GTF2A1L: variants seen among roughly 807,000 people sequenced by gnomAD.
GTF2A1L encodes TFIIA-alpha and beta-like factor.
In GTF2A1L, 48 loss-of-function variants were observed where a neutral mutation model predicts 49.7. The observed-to-expected ratio is 0.97, with a 90% CI of 0.77 to 1.23. The LOEUF (loss-of-function observed/expected upper bound fraction) is 1.23, where lower values mean the gene tolerates loss of function less well. Among genes scored for constraint, GTF2A1L ranks in the 50% most tolerant of loss-of-function variants. The pLI, the probability that GTF2A1L is intolerant of heterozygous loss-of-function variation, is 0.00. For synonymous variants in GTF2A1L, 246 were observed against 193.5 expected (o/e 1.27, Z -2.25); for missense variants, 736 against 564.8 (o/e 1.30, Z -3.07).
chr2:48,647,145 T>C, intron 6 of GTF2A1L, 103 bp downstream of exon 6: 2 of 1,107,274 alleles, frequency 1.8e-6, no homozygotes, highest in Non-Finnish European at 2.4e-6. Flanking sequence ...GAATTATATA[T>C]ATTTTGTTTT....
intron 8 of GTF2A1L, among the ~76,000 whole-genome samples, chr2:48,675,692 G>A (rs942739890): frequency 3.9e-5 from 6 of 151,956 alleles, no homozygotes; most frequent in Non-Finnish European, 7.4e-5. Context: ...ACTATTTATA[G>A]TGGAATGTGA....
In GTF2A1L at chr2:48,628,004, A is replaced by C. The variant is rs189740412; in HGVS notation, c.247+6714A>C. On this transcript the variant is annotated intron_variant, in intron 3 of 8. Transcript: ENST00000403751. ...TGTTTTTCTGTTCCTGCATTAATTC[A>C]CTTAGGATACCAGCCTCCAGCAGCA... Among the ~76,000 whole-genome samples, 48 of 144,168 alleles carry C rather than the reference A, an allele frequency of 3.3e-4. 3 individuals are homozygous for C. Among genetic ancestry groups the C allele is most frequent in the Non-Finnish European group, 5.6e-4 (36 of 63,950 alleles). 94.6% of individuals were successfully genotyped at this position (144,168 alleles called of 152,430 possible).
chr2:48,636,384 TCTTAC>T (rs964796436), intron 3 of GTF2A1L, among the ~76,000 whole-genome samples: 2 of 152,268 alleles, frequency 1.3e-5, no homozygotes, highest in African/African-American at 4.8e-5. Flanking sequence ...CAAAGGACTT[TCTTAC>T]CTTAAGTGAA....
chr2:48,651,843 C>G (rs1004609733), intron 6 of GTF2A1L, among the ~76,000 whole-genome samples: 14 of 152,082 alleles, frequency 9.2e-5, no homozygotes, highest in Non-Finnish European at 1.6e-4. Flanking sequence ...GCAAAAGCCC[C>G]CTCATAACAA....
chr2:48,671,386 T>G (rs1679156400), intron 7 of GTF2A1L, among the ~76,000 whole-genome samples: 1 of 151,958 alleles, frequency 6.6e-6, no homozygotes, highest in Non-Finnish European at 1.5e-5. Flanking sequence ...GTATTTTCAG[T>G]AGAGATGGGA....
chr2:48,621,806 A>G (rs1167685568), intron 3 of GTF2A1L, among the ~76,000 whole-genome samples: 2 of 152,204 alleles, frequency 1.3e-5, no homozygotes, highest in Non-Finnish European at 2.9e-5. Flanking sequence ...ATTTATCTTT[A>G]TTCTTGGACT....
intron 6 of GTF2A1L, among the ~76,000 whole-genome samples, chr2:48,656,081 G>A (rs1246998087): frequency 6.6e-6 from 1 of 152,166 alleles, no homozygotes; most frequent in Admixed American, 6.5e-5. Context: ...TCATTCAAGT[G>A]TCTGTGGATA....
chr2:48,620,934 T>G lies in GTF2A1L; in HGVS notation c.105T>G (p.Val35=). The change falls in exon 2 of 9, where the codon GTT becomes GTG. Residue 35 remains valine, a synonymous_variant. Transcript: ENST00000403751. ...CTGAAGAAGGTATAGAGGAACAAGT[T>G]TTAAAAGACTTGAAGCAGGTTTGTA... The part of the protein sequence containing the change: ...LFAEEGIEEQ[V]LKDLKQLWET... The G allele has an allele frequency of 1.9e-6, 3 of 1,597,368 alleles. No individual in the cohort carries two copies. The highest frequency in any genetic ancestry group is 2.6e-6 in the Non-Finnish European group (3 of 1,175,166).
intron 6 of GTF2A1L, among the ~76,000 whole-genome samples, chr2:48,666,861 C>T (rs190524670): frequency 6.6e-6 from 1 of 151,900 alleles, no homozygotes; most frequent in East Asian, 1.9e-4. Flanking sequence ...ACTTTTTTCC[C>T]TAAATTATTT....
intron 6 of GTF2A1L, among the ~76,000 whole-genome samples, chr2:48,653,161 C>T (rs1207903768): frequency 6.9e-6 from 1 of 144,594 alleles, no homozygotes; most frequent in Non-Finnish European, 1.5e-5. Flanking sequence ...GCTGAGCTTG[C>T]AGTGACCCGA....
chr2:48,671,028 G>T (rs1679136857), intron 7 of GTF2A1L, among the ~76,000 whole-genome samples: 1 of 151,904 alleles, frequency 6.6e-6, no homozygotes, highest in Non-Finnish European at 1.5e-5. Context: ...CACCATGCTG[G>T]CCAAGCTGGT....
At position 48,658,407 on chromosome 2, in the gene GTF2A1L, G is replaced by A. The variant is rs144622855; in HGVS notation, c.979-11315G>A. 2.0e-5 allele frequency among the ~76,000 whole-genome samples: 3 copies of A among 152,254 alleles called. No homozygotes were observed. In the East Asian group the frequency reaches 5.8e-4, roughly 29 times the overall value. ...TGTTGACTTTGTCAAAGATCAGATG[G>A]CTTTAGATGCATGGCTTTATTTCTA... On this transcript the variant is annotated intron_variant, in intron 6 of 8. Transcript: ENST00000403751.
intron 4 of GTF2A1L, among the ~76,000 whole-genome samples, chr2:48,643,076 G>A (rs898245146): frequency 1.3e-5 from 2 of 152,076 alleles, no homozygotes; most frequent in East Asian, 1.9e-4. Context: ...AATGTTATAT[G>A]CTTGTTACAT....
intron 3 of GTF2A1L, among the ~76,000 whole-genome samples, chr2:48,641,536 G>C (rs959096866): frequency 1.3e-5 from 2 of 152,088 alleles, no homozygotes; most frequent in Non-Finnish European, 2.9e-5. Flanking sequence ...GCTAAAGTTT[G>C]TGTTTTTATT....
chr2:48,637,499 C>G (rs1369626980), intron 3 of GTF2A1L, among the ~76,000 whole-genome samples: 3 of 152,116 alleles, frequency 2.0e-5, no homozygotes, highest in Non-Finnish European at 2.9e-5. Context: ...ATTCATAGCA[C>G]TAAATGCCCA....
chr2:48,618,082 G>C (rs957643204), intron 1 of GTF2A1L, 187 bp downstream of exon 1: 3 of 598,218 alleles, frequency 5.0e-6, no homozygotes, highest in African/African-American at 3.8e-5. Flanking sequence ...CAGTAGTTCA[G>C]CAGGAAGTTG....
At chr2:48,675,248 G>C (rs937079554) in intron 8 of GTF2A1L, among the ~76,000 whole-genome samples, 2 of 152,130 alleles carry the variant, frequency 1.3e-5, no homozygotes, top group Non-Finnish European at 2.9e-5. Flanking sequence ...GGTAGTATCA[G>C]TTCCTCTGGG....
intron 2 of GTF2A1L, 76 bp downstream of exon 2, chr2:48,621,028 C>A (rs1675967091): frequency 6.6e-7 from 1 of 1,520,980 alleles, no homozygotes; most frequent in Admixed American, 2.1e-5. Flanking sequence ...TAGTTCTGAT[C>A]TCTCAAATTA....
At chr2:48,621,012 C>G in intron 2 of GTF2A1L, 60 bp downstream of exon 2, 3 of 1,549,550 alleles carry the variant, frequency 1.9e-6, no homozygotes, top group Non-Finnish European at 2.6e-6. Context: ...GCATACAAAA[C>G]TGATATAGTT....
Sources: allele counts gnomAD v4.1 joint callset (sites outside exome capture counted in the v4.1 genomes callset), GRCh38; gene constraint gnomAD v4.1.1; transcripts MANE v1.5; gene names NCBI Gene and HGNC (gene_info 2026-07-23, HGNC 2026-07-21).